FBXO25: variants seen among roughly 807,000 people sequenced by gnomAD.
FBXO25 encodes F-box only protein 25.
Under a neutral mutation model 51.9 loss-of-function variants are expected in FBXO25, and 45 were observed. The observed-to-expected ratio is 0.87, with a 90% CI of 0.68 to 1.11. FBXO25 has a LOEUF of 1.11. Ranked by LOEUF, FBXO25 falls within the 50% of genes most tolerant of loss-of-function variation. The probability of loss-of-function intolerance (pLI) is 0.00; values close to 1 mark genes in which losing one functional copy is unlikely to be tolerated. For missense variants in FBXO25, 507 were observed against 428.5 expected (o/e 1.18, Z -1.62); for synonymous variants, 199 against 151.0 (o/e 1.32, Z -2.33).
At chr8:413,846 T>C (rs529481646) in intron 2 of FBXO25, among the ~76,000 whole-genome samples, 4 of 151,980 alleles carry the variant, frequency 2.6e-5, no homozygotes, top group African/African-American at 9.7e-5. Context: ...ATGCTGGGGG[T>C]TGTGGCCCAG....
At chr8:448,796 A>G (rs1223525443) in intron 5 of FBXO25, among the ~76,000 whole-genome samples, 1 of 152,202 alleles carries the variant, frequency 6.6e-6, no homozygotes, top group African/African-American at 2.4e-5. Flanking sequence ...GATGGAAGGA[A>G]GAAGGAGCAA....
At chr8:444,759 T>A (rs547368251) in intron 5 of FBXO25, among the ~76,000 whole-genome samples, 12 of 152,178 alleles carry the variant, frequency 7.9e-5, no homozygotes, top group Non-Finnish European at 1.3e-4. Flanking sequence ...GTACCTTTCC[T>A]ATGTTTAGAT....
chr8:437,130 T>G (rs1387357086), intron 5 of FBXO25, among the ~76,000 whole-genome samples: 1 of 152,202 alleles, frequency 6.6e-6, no homozygotes, highest in Non-Finnish European at 1.5e-5. Flanking sequence ...AAATTTACTT[T>G]TCTAAACAGA....
intron 4 of FBXO25, among the ~76,000 whole-genome samples, 196 bp downstream of exon 4, chr8:433,131 G>A (rs910518882): frequency 6.6e-6 from 1 of 152,160 alleles, no homozygotes; most frequent in African/African-American, 2.4e-5. Context: ...GTGCTTGCAT[G>A]TGCATGTGGT....
chr8:427,456 T>C (rs1199835455), intron 2 of FBXO25, among the ~76,000 whole-genome samples: 1 of 151,152 alleles, frequency 6.6e-6, no homozygotes, highest in African/African-American at 2.5e-5. Flanking sequence ...CTCTTCTGTT[T>C]GGTAGCATAT....
intron 5 of FBXO25, among the ~76,000 whole-genome samples, chr8:436,391 T>C (rs1357988754): frequency 6.6e-6 from 1 of 152,236 alleles, no homozygotes; most frequent in South Asian, 2.1e-4. Flanking sequence ...TGGAAAAATG[T>C]TGCTTTTAAT....
At chr8:428,616 G>A (rs1422120648) in intron 2 of FBXO25, among the ~76,000 whole-genome samples, 4 of 152,034 alleles carry the variant, frequency 2.6e-5, no homozygotes, top group Admixed American at 2.0e-4. Flanking sequence ...TCACACTATT[G>A]TGCAACCATT....
intron 7 of FBXO25, among the ~76,000 whole-genome samples, chr8:454,505 G>C (rs1332322575): frequency 6.6e-6 from 1 of 152,218 alleles, no homozygotes; most frequent in Non-Finnish European, 1.5e-5. Context: ...AGCACATGAT[G>C]TGTCACAGAA....
Position 450,152 on chromosome 8 carries a change from T to C in FBXO25, c.475+69T>C. ...AAATTTGGTGCAAGGAGATGGGATT[T>C]TTCTTTTATCTTTACCCAGTACACA... On this transcript the variant is annotated intron_variant, in intron 6 of 9. Transcript: ENST00000350302. 5 of 1,182,430 alleles carry C rather than the reference T, an allele frequency of 4.2e-6. No homozygotes were observed. In the South Asian group the frequency reaches 6.8e-5, roughly 16 times the overall value. The allele number at this position is 1,182,430 out of a possible 1,614,324, so 73.2% of individuals were successfully genotyped here. A position where few individuals can be genotyped will look rare whatever the true frequency, so the allele number is the denominator to read the frequency against.
intron 5 of FBXO25, among the ~76,000 whole-genome samples, chr8:441,405 A>G (rs1445013701): frequency 4.6e-5 from 7 of 152,240 alleles, no homozygotes; most frequent in African/African-American, 1.4e-4. Context: ...ACCTAAAACC[A>G]TAAAAACCCT....
intron 1 of FBXO25, among the ~76,000 whole-genome samples, chr8:412,195 C>T (rs1430642474): frequency 6.6e-6 from 1 of 152,150 alleles, no homozygotes; most frequent in Non-Finnish European, 1.5e-5. Flanking sequence ...ATGTCCTAAG[C>T]TGAAATTAAT....
chr8:436,188 C>A (rs1479872505), intron 5 of FBXO25, among the ~76,000 whole-genome samples: 1 of 152,128 alleles, frequency 6.6e-6, no homozygotes, highest in Non-Finnish European at 1.5e-5. Flanking sequence ...TAATGATACC[C>A]TTTTGGAAGA....
intron 5 of FBXO25, among the ~76,000 whole-genome samples, chr8:446,500 C>G (rs911936794): frequency 6.6e-6 from 1 of 152,112 alleles, no homozygotes; most frequent in African/African-American, 2.4e-5. Flanking sequence ...GAATCTGAAT[C>G]GCATCCGCCA....
In FBXO25 at chr8:470,797, T is replaced by C. The variant is rs983981660; in HGVS notation, c.*1993T>C. The C allele has an allele frequency of 1.3e-5, 2 of 152,264 alleles. No individual in the cohort carries two copies. The highest frequency in any genetic ancestry group is 4.8e-5 in the African/African-American group (2 of 41,468). The allele number at this position is 152,264 out of a possible 1,614,324, so 9.4% of individuals were successfully genotyped here. The stretch of plus-strand genomic sequence containing the variant: ...CTGTTTTAATAAGTGAAGAATTTGA[T>C]GTATGATAAATTGTGAGCTTGAATA... On this transcript the variant is annotated 3_prime_UTR_variant, in exon 10 of 10. Transcript: ENST00000350302.
At chr8:443,325 A>G (rs1325283887) in intron 5 of FBXO25, among the ~76,000 whole-genome samples, 10 of 149,976 alleles carry the variant, frequency 6.7e-5, no homozygotes, top group Non-Finnish European at 1.5e-5. Context: ...ATCCACTACC[A>G]TCTTCATTTT....
In FBXO25 at chr8:470,533, C is replaced by G. The variant is rs1009978840; in HGVS notation, c.*1729C>G. On this transcript the variant is annotated 3_prime_UTR_variant, in exon 10 of 10. Coordinates refer to ENST00000350302, the MANE Select transcript of FBXO25 (RefSeq NM_183420.2). Reference sequence around the variant, plus strand: ...CAGTCAGGACCACAGGCATATACCACCATGCTCAGCTGTTTTTTTGTATTT... The same window carrying G: ...CAGTCAGGACCACAGGCATATACCAGCATGCTCAGCTGTTTTTTTGTATTT... The G allele has an allele frequency of 1.3e-5, 2 of 152,032 alleles. No homozygotes were observed. The highest frequency in any genetic ancestry group is 4.8e-5 in the African/African-American group (2 of 41,384). The allele number at this position is 152,032 out of a possible 1,614,324, so 9.4% of individuals were successfully genotyped here.
intron 5 of FBXO25, among the ~76,000 whole-genome samples, chr8:448,874 T>A (rs1459078664): frequency 6.6e-6 from 1 of 152,194 alleles, no homozygotes; most frequent in Non-Finnish European, 1.5e-5. Context: ...GTATGAGGAT[T>A]CCGAAGGAGA....
At chr8:417,305 T>TA (rs1027853961) in intron 2 of FBXO25, among the ~76,000 whole-genome samples, 29 of 152,198 alleles carry the variant, frequency 1.9e-4, no homozygotes, top group African/African-American at 6.5e-4. Context: ...GCTACCGTGT[T>TA]AAAAACAGAC....
chr8:467,960 T>C (rs758008753), intron 9 of FBXO25: 132 of 1,402,290 alleles, frequency 9.4e-5, no homozygotes, highest in Non-Finnish European at 1.2e-4. Flanking sequence ...GAACAACACC[T>C]GAGTGCTGAG....
Sources: gnomAD v4.1 joint callset for allele counts (sites outside exome capture counted in the v4.1 genomes callset) on GRCh38, gnomAD v4.1.1 for gene constraint, MANE v1.5 for transcripts, NCBI Gene and HGNC (gene_info 2026-07-23, HGNC 2026-07-21) for gene names.